Variants in SYNE2 observed in about 807,000 individuals in gnomAD.
The protein encoded by SYNE2 is nesprin-2.
A neutral mutation model predicts 856.3 loss-of-function variants in SYNE2; 431 were observed. The observed-to-expected ratio is 0.50, with a 90% CI of 0.47 to 0.55. The LOEUF is 0.55. Among genes scored for constraint, SYNE2 ranks in the 20% least tolerant of loss-of-function variants. The probability of loss-of-function intolerance (pLI) is 0.00; values close to 1 mark genes in which losing one functional copy is unlikely to be tolerated. For synonymous variants in SYNE2, 2,923 were observed against 2,872.3 expected, an observed-to-expected ratio of 1.02 and a Z score of -0.56; for missense variants, 8,129 against 8,023.2, an observed-to-expected ratio of 1.01 and a Z score of -0.50.
chr14:64,025,555 C>T, intron 41 of SYNE2, 134 bp downstream of exon 41: 4 of 885,358 alleles, frequency 4.5e-6, no homozygotes, highest in Non-Finnish European at 6.8e-6. Flanking sequence ...ATTCAGATCA[C>T]TGAGCTTACA....
At chr14:64,216,210 G>A in intron 107 of SYNE2, 38 bp from the exon 108 acceptor site, 4 of 1,613,214 alleles carry the variant, frequency 2.5e-6, no homozygotes, top group Non-Finnish European at 3.4e-6. Flanking sequence ...CCGTTCAGTA[G>A]GAGAGAATAG....
chr14:64,130,027 C>T, intron 75 of SYNE2, 21 bp from the exon 76 acceptor site: 3 of 1,613,326 alleles, frequency 1.9e-6, no homozygotes, highest in South Asian at 1.1e-5. Context: ...TGCATGTGTG[C>T]ACCTGCTCTT....
chr14:64,188,560 G>C lies in SYNE2; in HGVS notation c.17723G>C (p.Arg5908Pro). 1.2e-6 allele frequency: 2 copies of C among 1,614,168 alleles called. No individual in the cohort carries two copies. Among genetic ancestry groups the C allele is most frequent in the African/African-American group, 1.3e-5 (1 of 75,024 alleles). The change falls in exon 98 of 116, where the codon CGT (arginine) becomes CCT (proline). Residue 5908 changes from arginine to proline, a missense_variant. Arg to Pro is a moderately radical substitution (Grantham distance 103, BLOSUM62 -2). Coordinates refer to ENST00000555002, the MANE Select transcript of SYNE2 (RefSeq NM_182914.3). The stretch of plus-strand genomic sequence containing the variant: ...TATTTTCATTTGCAGGTGGCCATAC[G>C]TAAACAGGAGATTGAAGACAGACTC... ...WEDLCLRVAI[R>P]KQEIEDRLNT...
At chr14:64,152,774 G>A (rs1166443937) in intron 85 of SYNE2, 58 bp downstream of exon 85, 1 of 1,607,350 alleles carries the variant, frequency 6.2e-7, no homozygotes, top group African/African-American at 1.3e-5. Flanking sequence ...TACCTTATTT[G>A]TCGTTGTAGT....
chr14:64,124,991 A>T, intron 70 of SYNE2, 88 bp from the exon 71 acceptor site: 1 of 1,546,356 alleles, frequency 6.5e-7, no homozygotes, highest in Non-Finnish European at 8.8e-7. Context: ...CGACAGAGCA[A>T]GACTCCATCT....
intron 114 of SYNE2, 43 bp from the exon 115 acceptor site, chr14:64,224,956 A>C (rs778355305): frequency 6.2e-7 from 1 of 1,601,876 alleles, no homozygotes; most frequent in Admixed American, 1.7e-5. Flanking sequence ...TGATAGGACT[A>C]AACTGTCTTC....
chr14:63,807,822 TATATATATATATATA>T (rs1888428636), intron 1 of SYNE2, among the ~76,000 whole-genome samples: 1 of 19,754 alleles, frequency 5.1e-5, no homozygotes, highest in African/African-American at 2.5e-4. Flanking sequence ...TCCAGGCTTA[TATATATATATATATA>T]TATATATATA....
chr14:64,014,405 A>G (rs1308924669), intron 32 of SYNE2, among the ~76,000 whole-genome samples: 1 of 152,056 alleles, frequency 6.6e-6, no homozygotes, highest in African/African-American at 2.4e-5. Flanking sequence ...GCTGGGTCAT[A>G]TGTTAATTGC....
intron 66 of SYNE2, among the ~76,000 whole-genome samples, chr14:64,115,643 A>G (rs1005827721): frequency 6.6e-6 from 1 of 152,222 alleles, no homozygotes; most frequent in Non-Finnish European, 1.5e-5. Context: ...TCAAATGTGT[A>G]AAAATTTGAG....
chr14:63,853,052 C>G lies in SYNE2; in HGVS notation c.-143C>G, dbSNP rs1890742188. ...GGACCTGAAAAAGCGAGAGGGAGAG[C>G]GAGCAAAAGGCGCGATCCAGAGAGC... On this transcript the variant is annotated 5_prime_UTR_variant, in exon 1 of 116. Coordinates refer to ENST00000555002, the MANE Select transcript of SYNE2 (RefSeq NM_182914.3). 1 of 151,764 alleles carries G rather than the reference C, an allele frequency of 6.6e-6. No individual in the cohort carries two copies. Among genetic ancestry groups the G allele is most frequent in the Non-Finnish European group, 1.5e-5 (1 of 67,944 alleles). 9.4% of individuals were successfully genotyped at this position (151,764 alleles called of 1,614,324 possible).
At chr14:64,140,193 C>A in intron 80 of SYNE2, 120 bp downstream of exon 80, 1 of 921,170 alleles carries the variant, frequency 1.1e-6, no homozygotes, top group Non-Finnish European at 1.7e-6. Context: ...AAGACTTGGG[C>A]GAATGGCAGC....
intron 79 of SYNE2, 126 bp from the exon 80 acceptor site, chr14:64,139,815 T>A: frequency 1.1e-6 from 1 of 943,796 alleles, no homozygotes; most frequent in Admixed American, 1.8e-5. Context: ...AACGTCATGA[T>A]ATTCTGAATG....
chr14:64,132,304 C>G lies in SYNE2; in HGVS notation c.14380C>G (p.Gln4794Glu). The change falls in exon 77 of 116, where the codon CAA becomes GAA. Residue 4794 changes from glutamine (Q) to glutamate (E), a missense_variant. By Grantham distance (29) the Gln-to-Glu change is conservative. Around this residue, in one of 3 missense-constraint regions of SYNE2, gnomAD observed 5,410 missense variants for 5,284.8 expected, o/e 1.02. Transcript: ENST00000555002. ...QKLVADMLLI[Q>E]AYSAKILPSL... ...GCTTGTTGCTGACATGTTGTTGATC[C>G]AAGCATACTCTGCCAAAATACTTCC... 1 of 1,613,922 alleles carries G rather than the reference C, an allele frequency of 6.2e-7. No individual in the cohort carries two copies. The highest frequency in any genetic ancestry group is 2.2e-5 in the East Asian group (1 of 44,888).
chr14:63,966,444 G>A (rs1159802900), intron 10 of SYNE2, among the ~76,000 whole-genome samples: 1 of 151,994 alleles, frequency 6.6e-6, no homozygotes, highest in Non-Finnish European at 1.5e-5. Flanking sequence ...GTTCACTTGA[G>A]CCCAGGAGGC....
chr14:63,783,090 C>A (rs1047062478), intron 1 of SYNE2, among the ~76,000 whole-genome samples: 3 of 151,996 alleles, frequency 2.0e-5, no homozygotes, highest in African/African-American at 4.8e-5. Flanking sequence ...TGATTGTAAT[C>A]CCCATAATCC....
At chr14:64,113,672 C>T (rs2097830759) in intron 66 of SYNE2, 101 bp downstream of exon 66, 2 of 1,253,608 alleles carry the variant, frequency 1.6e-6, no homozygotes, top group South Asian at 1.3e-5. Context: ...CTTTCTGTTA[C>T]TCTGACCCTT....
intron 6 of SYNE2, among the ~76,000 whole-genome samples, chr14:63,946,915 T>C (rs1225550806): frequency 2.0e-5 from 3 of 152,008 alleles, no homozygotes; most frequent in Non-Finnish European, 4.4e-5. Flanking sequence ...AGTGGCACAA[T>C]CTTGACTCAC....
intron 13 of SYNE2, 102 bp downstream of exon 13, chr14:63,978,119 C>T (rs891996659): frequency 1.3e-6 from 1 of 797,148 alleles, no homozygotes; most frequent in African/African-American, 1.7e-5. Context: ...TAATTTTTAC[C>T]AAGTATTCTC....
intron 100 of SYNE2, 88 bp downstream of exon 100, chr14:64,203,051 C>T (rs2098583783): frequency 4.6e-6 from 7 of 1,517,940 alleles, no homozygotes; most frequent in Middle Eastern, 2.0e-4. Flanking sequence ...TATGTGTTTT[C>T]ACGTGCTCAC....
Sources: gnomAD v4.1 joint callset for allele counts (sites outside exome capture counted in the v4.1 genomes callset) on GRCh38, gnomAD v4.1.1 for gene constraint, gnomAD v4.1.1 regional missense constraint, MANE v1.5 for transcripts, NCBI Gene and HGNC (gene_info 2026-07-23, HGNC 2026-07-21) for gene names.